LAMA2: variants seen among roughly 807,000 people sequenced by gnomAD.
LAMA2 encodes the protein laminin subunit alpha 2.
Under a neutral mutation model 364.8 loss-of-function variants are expected in LAMA2, and 269 were observed. The ratio of observed to expected loss-of-function variants is 0.74; its 90% CI spans 0.67 to 0.82. The LOEUF is 0.82. Among genes scored for constraint, LAMA2 ranks in the 40% least tolerant of loss-of-function variants. The pLI, the probability that LAMA2 is intolerant of heterozygous loss-of-function variation, is 0.00. For missense variants in LAMA2, 3,807 were observed against 3,873.2 expected (o/e 0.98, Z 0.45); for synonymous variants, 1,379 against 1,370.6 (o/e 1.01, Z -0.14).
intron 21 of LAMA2, among the ~76,000 whole-genome samples, chr6:129,299,899 C>T (rs1239550662): frequency 6.6e-6 from 1 of 152,162 alleles, no homozygotes; most frequent in African/African-American, 2.4e-5. Context: ...TAACATTAGT[C>T]TTCCATTTGA....
intron 4 of LAMA2, among the ~76,000 whole-genome samples, chr6:129,141,202 A>G (rs1200655593): frequency 2.6e-5 from 4 of 152,060 alleles, no homozygotes; most frequent in Admixed American, 2.0e-4. Flanking sequence ...TTTAGGTGCC[A>G]AGGTTAATCT....
At chr6:129,366,798 T>G (rs182451262) in intron 33 of LAMA2, among the ~76,000 whole-genome samples, 45 of 152,310 alleles carry the variant, frequency 3.0e-4, no homozygotes, top group Non-Finnish European at 2.1e-4. Context: ...TTTCACACAG[T>G]TCTTCCACCA....
At chr6:129,283,484 A>G (rs1788877166) in intron 18 of LAMA2, among the ~76,000 whole-genome samples, 1 of 151,960 alleles carries the variant, frequency 6.6e-6, no homozygotes, top group African/African-American at 2.4e-5. Flanking sequence ...TTAATGGGAT[A>G]CATAGACTTC....
intron 35 of LAMA2, among the ~76,000 whole-genome samples, chr6:129,388,299 G>A (rs992917642): frequency 7.9e-5 from 12 of 151,696 alleles, no homozygotes; most frequent in African/African-American, 2.2e-4. Flanking sequence ...ACTGGTTGAC[G>A]GGTTGATAGG....
In LAMA2 at chr6:129,192,766, G is replaced by A; in HGVS notation, c.1695G>A (p.Gln565=). 1.2e-6 allele frequency: 2 copies of A among 1,614,196 alleles called. No homozygotes were observed. Among genetic ancestry groups the A allele is most frequent in the African/African-American group, 2.7e-5 (2 of 75,048 alleles). The change falls in exon 12 of 65, where the codon CAG becomes CAA. Residue 565 remains glutamine, a synonymous_variant. Transcript: ENST00000421865. Reference sequence around the variant, plus strand: ...AGCAGGACGACTTGGACTCACCTCAGCAGATCAGCATCAGTAACGCGGAGG... The same window carrying A: ...AGCAGGACGACTTGGACTCACCTCAACAGATCAGCATCAGTAACGCGGAGG... ...APQQDDLDSP[Q]QISISNAEAR...
chr6:129,499,299 T>C (rs533723221), intron 58 of LAMA2, among the ~76,000 whole-genome samples: 242 of 152,236 alleles, frequency 1.6e-3, no homozygotes, highest in Admixed American at 3.5e-3. Flanking sequence ...TTTTAACACA[T>C]TTGAGAGATT....
At chr6:129,374,616 T>C (rs1778268938) in intron 34 of LAMA2, among the ~76,000 whole-genome samples, 1 of 151,936 alleles carries the variant, frequency 6.6e-6, no homozygotes, top group African/African-American at 2.4e-5. Context: ...TCACCCTTGT[T>C]GTCCAGGCTG....
chr6:129,181,028 A>G (rs1780895094), intron 10 of LAMA2, among the ~76,000 whole-genome samples: 1 of 152,120 alleles, frequency 6.6e-6, no homozygotes, highest in African/African-American at 2.4e-5. Flanking sequence ...CTGCAAGCCT[A>G]CAGAGGCAGC....
At chr6:129,125,306 T>G (rs1170926550) in intron 4 of LAMA2, among the ~76,000 whole-genome samples, 4 of 152,190 alleles carry the variant, frequency 2.6e-5, no homozygotes. Flanking sequence ...GAATAGATAG[T>G]GTATAGTATT....
At chr6:129,478,661 T>C (rs781697453) in intron 53 of LAMA2, 32 bp from the exon 54 acceptor site, 30 of 1,611,102 alleles carry the variant, frequency 1.9e-5, no homozygotes, top group Non-Finnish European at 2.3e-5. Context: ...CCTAATGATA[T>C]TGCTTTTGCT....
intron 15 of LAMA2, among the ~76,000 whole-genome samples, chr6:129,262,412 C>A (rs771835420): frequency 6.6e-6 from 1 of 151,628 alleles, no homozygotes; most frequent in Non-Finnish European, 1.5e-5. Flanking sequence ...GAGAGAGATG[C>A]AAAGTGTCCT....
At position 129,456,359 on chromosome 6, in the gene LAMA2, T is replaced by A; in HGVS notation, c.6732T>A (p.Ser2244=). 1 of 1,613,630 alleles carries A rather than the reference T, an allele frequency of 6.2e-7. No homozygotes were observed. The highest frequency in any genetic ancestry group is 8.5e-7 in the Non-Finnish European group (1 of 1,179,670). Residue 2244 remains serine, a synonymous_variant, in exon 48 of 65, where the codon TCT becomes TCA. Coordinates refer to ENST00000421865, the MANE Select transcript of LAMA2 (RefSeq NM_000426.4). ...GAACTGGGAGAAATGGAACTATTTCTGTGAGAGCCCTGGATGGACCCAAAG... is the reference window on the plus strand; with the variant it reads ...GAACTGGGAGAAATGGAACTATTTCAGTGAGAGCCCTGGATGGACCCAAAG... The part of the protein sequence containing the change: ...ASRTGRNGTI[S]VRALDGPKAS...
chr6:129,102,342 G>T (rs535472205), intron 4 of LAMA2, among the ~76,000 whole-genome samples: 1 of 151,710 alleles, frequency 6.6e-6, no homozygotes, highest in Non-Finnish European at 1.5e-5. Context: ...TCACCATGTT[G>T]GTCAGGATGG....
chr6:129,031,239 G>T (rs949493418), intron 1 of LAMA2, among the ~76,000 whole-genome samples: 7 of 152,280 alleles, frequency 4.6e-5, no homozygotes, highest in African/African-American at 1.7e-4. Flanking sequence ...AAGCTGCATA[G>T]AATTTGCTTT....
intron 8 of LAMA2, among the ~76,000 whole-genome samples, chr6:129,156,815 T>G (rs1779142424): frequency 6.6e-6 from 1 of 152,140 alleles, no homozygotes; most frequent in South Asian, 2.1e-4. Flanking sequence ...AAAATAAAGC[T>G]GGTGGGGAAG....
intron 3 of LAMA2, among the ~76,000 whole-genome samples, chr6:129,095,600 A>G (rs1775124273): frequency 6.6e-6 from 1 of 152,056 alleles, no homozygotes; most frequent in Non-Finnish European, 1.5e-5. Context: ...CTAATGGGAC[A>G]TGGGTTATGG....
At chr6:129,290,176 T>C (rs1789594453) in intron 19 of LAMA2, among the ~76,000 whole-genome samples, 1 of 152,212 alleles carries the variant, frequency 6.6e-6, no homozygotes, top group Non-Finnish European at 1.5e-5. Flanking sequence ...AATTTAATTT[T>C]GTAGTTTACA....
rs142294175 is a variant in LAMA2, at chr6:128,883,786, T to TTA, written c.112+444_112+445dup. Reference sequence around the variant, plus strand: ...GGGTAGCTGATGCATCAAAAAAAAATTATATATATATATATACACACACAC... The same window carrying TTA: ...GGGTAGCTGATGCATCAAAAAAAAATTATATATATATATATATACACACACAC... On this transcript the variant is annotated intron_variant, in intron 1 of 64. Coordinates refer to ENST00000421865, the MANE Select transcript of LAMA2 (RefSeq NM_000426.4). Among the ~76,000 whole-genome samples, 859 of 133,826 alleles carry TTA rather than the reference T, an allele frequency of 6.4e-3. 5 individuals carry two copies. Among genetic ancestry groups the TTA allele is most frequent in the East Asian group, 0.01 (45 of 4,478 alleles). The allele number at this position is 133,826 out of a possible 152,430, so 87.8% of individuals were successfully genotyped here. A position where few individuals can be genotyped will look rare whatever the true frequency, so the allele number is the denominator to read the frequency against.
intron 1 of LAMA2, among the ~76,000 whole-genome samples, chr6:128,982,802 C>T (rs1204714760): frequency 7.0e-6 from 1 of 142,442 alleles, no homozygotes; most frequent in Non-Finnish European, 1.5e-5. Context: ...TGATGTTCCC[C>T]TTCTTGTGTC....
Sources: gnomAD v4.1 joint callset for allele counts (sites outside exome capture counted in the v4.1 genomes callset) on GRCh38, gnomAD v4.1.1 for gene constraint, MANE v1.5 for transcripts, NCBI Gene and HGNC (gene_info 2026-07-23, HGNC 2026-07-21) for gene names.